Variants in ARHGAP20 observed in about 807,000 individuals in gnomAD.
ARHGAP20 encodes Rho GTPase activating protein 20.
ARHGAP20 carries 34 observed loss-of-function variants against 73.7 expected under a neutral mutation model. That is an observed-to-expected ratio of 0.46 (90% CI 0.35 to 0.61). The LOEUF (loss-of-function observed/expected upper bound fraction) is 0.61. Among genes scored for constraint, ARHGAP20 ranks in the 20% least tolerant of loss-of-function variants. The pLI is 0.00. For missense variants in ARHGAP20, 1,314 were observed against 1,420.9 expected (o/e 0.92, Z 1.21); for synonymous variants, 523 against 518.2 (o/e 1.01, Z -0.13).
In ARHGAP20 at chr11:110,580,614, T is replaced by C; in HGVS notation, c.2332A>G (p.Lys778Glu). 1 of 1,614,248 alleles carries C rather than the reference T, an allele frequency of 6.2e-7. No homozygotes were observed. The highest frequency in any genetic ancestry group is 8.5e-7 in the Non-Finnish European group (1 of 1,180,046). ...TCACTACCAGACAAGCTTTTCTTCT[T>C]AGTGTTTTGAGTAGTGGCATTTTTC... ...SKKNATTQNT[K>E]KKSLSGSEGN... The change falls in exon 15 of 15, where the codon AAG (lysine) becomes GAG (glutamate). Residue 778 changes from lysine (K) to glutamate (E), a missense_variant. Lys to Glu is a moderately conservative substitution (Grantham distance 56, BLOSUM62 1). Around this residue, in one of 3 missense-constraint regions of ARHGAP20, gnomAD observed 641 missense variants for 636.9 expected, o/e 1.01. Transcript: ENST00000683387.
chr11:110,690,217 T>C (rs1030114997), intron 2 of ARHGAP20, among the ~76,000 whole-genome samples: 21 of 152,240 alleles, frequency 1.4e-4, no homozygotes, highest in South Asian at 4.1e-4. Flanking sequence ...TTTAAAAATA[T>C]GCAAAGTTTT....
Position 110,624,326 on chromosome 11 carries a change from A to G in ARHGAP20, c.354-15T>C. On this transcript the variant is annotated splice_polypyrimidine_tract_variant and intron_variant, in intron 3 of 14. Coordinates refer to ENST00000683387, the MANE Select transcript of ARHGAP20 (RefSeq NM_001384657.1). ...TATTGTTATATCTAGAAAGATAAAA[A>G]CCAAACAGAACCTTTTGTTATTTTG... The G allele has an allele frequency of 2.0e-6, 3 of 1,510,930 alleles. No individual in the cohort carries two copies. The highest frequency in any genetic ancestry group is 2.7e-6 in the Non-Finnish European group (3 of 1,131,510). The allele number at this position is 1,510,930 out of a possible 1,614,324, so 93.6% of individuals were successfully genotyped here.
chr11:110,713,102 G>A (rs982999459), upstream of ARHGAP20: 1 of 152,394 alleles, frequency 6.6e-6, no homozygotes, highest in Middle Eastern at 3.4e-3. Context: ...CTGCAGAGAC[G>A]GGGGCATTCC....
chr11:110,669,296 AG>A (rs1481691331), intron 2 of ARHGAP20, among the ~76,000 whole-genome samples: 2 of 152,188 alleles, frequency 1.3e-5, no homozygotes, highest in African/African-American at 4.8e-5. Context: ...ACTAATAGAA[AG>A]CCACTACTCA....
Position 110,579,141 on chromosome 11 carries a change from C to G in ARHGAP20, c.*229G>C. ...TAAAACCACATGACAGGACCAATCC[C>G]AACCTTTAATAAGAAAAAGCCTCCC... On this transcript the variant is annotated 3_prime_UTR_variant, in exon 15 of 15. Transcript: ENST00000683387. The G allele has an allele frequency of 8.4e-7, 1 of 1,193,022 alleles. No homozygotes were observed. Among genetic ancestry groups the G allele is most frequent in the Non-Finnish European group, 1.0e-6 (1 of 956,946 alleles). The allele number at this position is 1,193,022 out of a possible 1,614,324, so 73.9% of individuals were successfully genotyped here. A position where few individuals can be genotyped will look rare whatever the true frequency, so the allele number is the denominator to read the frequency against.
chr11:110,625,357 T>C (rs1948722229), intron 3 of ARHGAP20, among the ~76,000 whole-genome samples: 2 of 152,196 alleles, frequency 1.3e-5, no homozygotes, highest in African/African-American at 4.8e-5. Flanking sequence ...AAAATGTTTA[T>C]AAAATTTTCA....
Position 110,577,172 on chromosome 11 carries a change from C to CATTT in ARHGAP20, c.*2194_*2197dup. ...CAGTTTCTGCAAGTACAAAAATACA[C>CATTT]ATTTATTACATAACATATGGTAGTA... is the stretch of plus-strand genomic sequence containing the variant. On this transcript the variant is annotated 3_prime_UTR_variant, in exon 15 of 15. Coordinates refer to ENST00000683387, the MANE Select transcript of ARHGAP20 (RefSeq NM_001384657.1). The CATTT allele has an allele frequency of 6.5e-7, 1 of 1,533,436 alleles. No homozygotes were observed. The highest frequency in any genetic ancestry group is 8.7e-7 in the Non-Finnish European group (1 of 1,145,684). The allele number at this position is 1,533,436 out of a possible 1,614,324, so 95.0% of individuals were successfully genotyped here.
chr11:110,647,563 G>A (rs1949223846), intron 2 of ARHGAP20, among the ~76,000 whole-genome samples: 1 of 151,848 alleles, frequency 6.6e-6, no homozygotes, highest in South Asian at 2.1e-4. Context: ...ATTCCAATGT[G>A]GTTTTATGTT....
chr11:110,579,199 G>GTA lies in ARHGAP20; in HGVS notation c.*169_*170dup. The GTA allele has an allele frequency of 7.6e-7, 1 of 1,309,602 alleles. No homozygotes were observed. Among genetic ancestry groups the GTA allele is most frequent in the Non-Finnish European group, 9.7e-7 (1 of 1,027,546 alleles). 81.1% of individuals were successfully genotyped at this position (1,309,602 alleles called of 1,614,324 possible). A position where few individuals can be genotyped will look rare whatever the true frequency, so the allele number is the denominator to read the frequency against. On this transcript the variant is annotated 3_prime_UTR_variant, in exon 15 of 15. Coordinates refer to ENST00000683387, the MANE Select transcript of ARHGAP20 (RefSeq NM_001384657.1). The stretch of plus-strand genomic sequence containing the variant: ...TAGGTGACAAAATTTTTAGCATAAA[G>GTA]TATTTGTCAAGTAGTCTCAATAAAG...
intron 2 of ARHGAP20, among the ~76,000 whole-genome samples, chr11:110,651,106 T>C (rs1408047712): frequency 2.0e-5 from 3 of 152,126 alleles, no homozygotes; most frequent in African/African-American, 7.2e-5. Flanking sequence ...CACAACTACA[T>C]GGAAATTGAA....
chr11:110,613,602 T>C (rs945748386), intron 6 of ARHGAP20, among the ~76,000 whole-genome samples: 1 of 152,164 alleles, frequency 6.6e-6, no homozygotes, highest in African/African-American at 2.4e-5. Flanking sequence ...CAGGAAATCC[T>C]GAATGTAACC....
At chr11:110,618,699 G>T (rs893146216) in intron 4 of ARHGAP20, among the ~76,000 whole-genome samples, 2 of 151,090 alleles carry the variant, frequency 1.3e-5, no homozygotes, top group African/African-American at 4.9e-5. Context: ...TAGAGTATAT[G>T]CAGTGATAGA....
intron 2 of ARHGAP20, among the ~76,000 whole-genome samples, chr11:110,668,766 A>T (rs1234132412): frequency 2.6e-5 from 4 of 152,244 alleles, no homozygotes; most frequent in African/African-American, 9.6e-5. Context: ...CAACAAATTC[A>T]TGCAACTCAC....
chr11:110,630,863 G>T (rs193068420), intron 2 of ARHGAP20, 71 bp from the exon 3 acceptor site: 31 of 1,509,050 alleles, frequency 2.1e-5, no homozygotes, highest in Non-Finnish European at 2.4e-5. Context: ...ACAAAATTCT[G>T]TAATTTTTTT....
At chr11:110,693,981 CTG>C (rs1950290192) in intron 1 of ARHGAP20, among the ~76,000 whole-genome samples, 3 of 151,766 alleles carry the variant, frequency 2.0e-5, no homozygotes. Context: ...GGATACCACT[CTG>C]AAATAGAATA....
At chr11:110,598,446 T>C (rs1815906337) in intron 9 of ARHGAP20, among the ~76,000 whole-genome samples, 1 of 152,210 alleles carries the variant, frequency 6.6e-6, no homozygotes, top group African/African-American at 2.4e-5. Context: ...ATACTAGGGT[T>C]GAGTAAGCCA....
intron 9 of ARHGAP20, among the ~76,000 whole-genome samples, chr11:110,593,595 T>TG (rs1350283837): frequency 6.6e-6 from 1 of 152,090 alleles, no homozygotes; most frequent in Non-Finnish European, 1.5e-5. Context: ...CCCCGGGTAA[T>TG]GGGGGTGACT....
At chr11:110,635,935 G>A (rs1037822764) in intron 2 of ARHGAP20, among the ~76,000 whole-genome samples, 23 of 152,028 alleles carry the variant, frequency 1.5e-4, no homozygotes, top group Non-Finnish European at 2.8e-4. Context: ...AGGCTACTAA[G>A]CAATGAATGG....
At chr11:110,647,276 AG>A (rs2135000096) in intron 2 of ARHGAP20, among the ~76,000 whole-genome samples, 1 of 152,228 alleles carries the variant, frequency 6.6e-6, no homozygotes, top group Non-Finnish European at 1.5e-5. Context: ...AATCTATGAA[AG>A]AGATCAGGTC....
Sources: gnomAD v4.1 joint callset for allele counts (sites outside exome capture counted in the v4.1 genomes callset) on GRCh38, gnomAD v4.1.1 for gene constraint, gnomAD v4.1.1 regional missense constraint, MANE v1.5 for transcripts, NCBI Gene and HGNC (gene_info 2026-07-23, HGNC 2026-07-21) for gene names.